Variants in PCDH7 observed in about 807,000 individuals in gnomAD.
PCDH7 encodes the protein protocadherin-7.
PCDH7 carries 17 observed loss-of-function variants against 58.9 expected under a neutral mutation model. The observed-to-expected ratio is 0.29, with a 90% confidence interval of 0.20 to 0.43. The LOEUF (loss-of-function observed/expected upper bound fraction) is 0.43. Among genes scored for constraint, PCDH7 ranks in the 20% least tolerant of loss-of-function variants. The pLI, the probability that PCDH7 is intolerant of heterozygous loss-of-function variation, is 1.00. For synonymous variants in PCDH7, 664 were observed against 616.4 expected, an observed-to-expected ratio of 1.08 and a Z score of -1.14; for missense variants, 1,274 against 1,441.0, an observed-to-expected ratio of 0.88 and a Z score of 1.88.
At chr4:30,847,029 G>T (rs1732057559) in intron 1 of PCDH7, among the ~76,000 whole-genome samples, 1 of 151,948 alleles carries the variant, frequency 6.6e-6, no homozygotes. Context: ...AGGCTGAGGT[G>T]GGAGGAGCAC....
At chr4:30,971,636 A>C (rs185257933) in intron 3 of PCDH7, among the ~76,000 whole-genome samples, 1 of 152,350 alleles carries the variant, frequency 6.6e-6, no homozygotes, top group Non-Finnish European at 1.5e-5. Context: ...GTTTTAGAAC[A>C]CTTTGACAAG....
chr4:31,018,597 A>G (rs1406692739), intron 3 of PCDH7, among the ~76,000 whole-genome samples: 2 of 152,208 alleles, frequency 1.3e-5, no homozygotes, highest in Non-Finnish European at 2.9e-5. Flanking sequence ...AAGATTTGAC[A>G]TAAAGTTTCT....
At chr4:30,929,023 T>G (rs1475694541) in intron 2 of PCDH7, among the ~76,000 whole-genome samples, 3 of 152,174 alleles carry the variant, frequency 2.0e-5, no homozygotes, top group Non-Finnish European at 4.4e-5. Flanking sequence ...ATTTTGTGTC[T>G]TTCTTTTCTC....
intron 3 of PCDH7, among the ~76,000 whole-genome samples, chr4:30,991,282 A>G (rs1227984470): frequency 6.6e-6 from 1 of 152,216 alleles, no homozygotes; most frequent in African/African-American, 2.4e-5. Context: ...TCGTTTTGCC[A>G]GCCATCATTT....
Position 30,986,113 on chromosome 4 carries a change from A to G in PCDH7, c.*7+35898A>G, listed in dbSNP as rs574997931. ...AAAAGACTTGAGATATGCATTTTCA[A>G]TTCTTTCTAAAACCAAGAAAAATTA... On this transcript the variant is annotated intron_variant, in intron 3 of 3. Transcript: ENST00000509759. Among the ~76,000 whole-genome samples the G allele has an allele frequency of 3.9e-5, 6 of 152,308 alleles. No homozygotes were observed. The East Asian group carries it at 1.2e-3, about 29-fold the overall frequency.
At chr4:31,104,951 T>G (rs148021470) in intron 3 of PCDH7, among the ~76,000 whole-genome samples, 3 of 152,210 alleles carry the variant, frequency 2.0e-5, no homozygotes, top group Non-Finnish European at 4.4e-5. Context: ...CTATTTAATA[T>G]GAAAGCACCA....
chr4:30,947,227 A>G (rs1455482410), intron 2 of PCDH7, among the ~76,000 whole-genome samples: 2 of 152,166 alleles, frequency 1.3e-5, no homozygotes, highest in Admixed American at 1.3e-4. Flanking sequence ...GGTCAGACCA[A>G]TAGTGTTTTC....
In PCDH7 at chr4:30,721,593, C is replaced by A; in HGVS notation, c.171C>A (p.Ile57=). 2 of 1,610,696 alleles carry A rather than the reference C, an allele frequency of 1.2e-6. No homozygotes were observed. The highest frequency in any genetic ancestry group is 1.7e-6 in the Non-Finnish European group (2 of 1,179,870). Reference sequence around the variant, plus strand: ...GCAACGTGGCTTCAGACCTGGGCATCGTGACCGGATCGGGTGAGGTGACTT... The same window carrying A: ...GCAACGTGGCTTCAGACCTGGGCATAGTGACCGGATCGGGTGAGGTGACTT... The change falls in exon 1 of 2, where the codon ATC becomes ATA. Residue 57 remains isoleucine, a synonymous_variant. Coordinates refer to ENST00000361762, the Ensembl canonical transcript of PCDH7. The surrounding 1 kb of genome is among the most constrained non-coding windows in gnomAD (Gnocchi z 6.7).
At chr4:31,129,714 C>A (rs976030753) in intron 3 of PCDH7, among the ~76,000 whole-genome samples, 20 of 152,182 alleles carry the variant, frequency 1.3e-4, no homozygotes, top group Admixed American at 9.2e-4. Flanking sequence ...CTCACTGCAA[C>A]CTCCACATCC....
At chr4:30,882,894 C>G (rs2109372876) in intron 1 of PCDH7, among the ~76,000 whole-genome samples, 1 of 152,322 alleles carries the variant, frequency 6.6e-6, no homozygotes, top group South Asian at 2.1e-4. Flanking sequence ...ACTCCATTTT[C>G]AAGCTCTTCA....
At chr4:31,109,834 A>C (rs142857235) in intron 3 of PCDH7, among the ~76,000 whole-genome samples, 1 of 152,330 alleles carries the variant, frequency 6.6e-6, no homozygotes, top group East Asian at 1.9e-4. Context: ...TGATGCTGAT[A>C]ATCTAAGCAA....
chr4:30,931,323 C>T (rs1744554972), intron 2 of PCDH7, among the ~76,000 whole-genome samples: 2 of 152,122 alleles, frequency 1.3e-5, no homozygotes, highest in African/African-American at 4.8e-5. Flanking sequence ...CACCTGTAAT[C>T]CCAGCACTTT....
chr4:31,086,758 A>T (rs1351904629), intron 3 of PCDH7, among the ~76,000 whole-genome samples: 4 of 152,192 alleles, frequency 2.6e-5, no homozygotes, highest in African/African-American at 9.6e-5. Context: ...TGGCATATTA[A>T]CAGCTTATGC....
chr4:31,007,819 C>T (rs1262175410), intron 3 of PCDH7, among the ~76,000 whole-genome samples: 2 of 151,948 alleles, frequency 1.3e-5, no homozygotes, highest in African/African-American at 2.4e-5. Context: ...TAGTATATGA[C>T]CTCAGGATTC....
chr4:30,818,558 T>C (rs1466537167), intron 1 of PCDH7, among the ~76,000 whole-genome samples: 1 of 152,132 alleles, frequency 6.6e-6, no homozygotes, highest in Non-Finnish European at 1.5e-5. Flanking sequence ...CATAATTAAT[T>C]CTCTATATAT....
chr4:30,811,051 C>G lies in PCDH7; in HGVS notation c.70+86455C>G, dbSNP rs151190419. 2.7e-3 allele frequency among the ~76,000 whole-genome samples: 410 copies of G among 152,306 alleles called. 1 individual carries two copies. Among genetic ancestry groups the G allele is most frequent in the African/African-American group, 9.5e-3 (393 of 41,564 alleles). Reference sequence around the variant, plus strand: ...ATAAAAGCTAATTGTGACTATGCATCATGGTTTACCATGACGGATTATTGC... The same window carrying G: ...ATAAAAGCTAATTGTGACTATGCATGATGGTTTACCATGACGGATTATTGC... On this transcript the variant is annotated intron_variant, in intron 1 of 3. Coordinates refer to the PCDH7 transcript ENST00000509759.
intron 3 of PCDH7, among the ~76,000 whole-genome samples, chr4:31,101,431 G>A (rs984768882): frequency 9.2e-5 from 14 of 152,124 alleles, no homozygotes; most frequent in Admixed American, 2.0e-4. Flanking sequence ...ATATTTTAGT[G>A]AGACAATTTG....
intron 3 of PCDH7, among the ~76,000 whole-genome samples, chr4:31,011,994 A>G (rs542639569): frequency 2.0e-5 from 3 of 152,252 alleles, no homozygotes; most frequent in African/African-American, 7.2e-5. Context: ...AAAAAATTAC[A>G]TACCCTATAT....
At chr4:31,090,335 G>A (rs1237054751) in intron 3 of PCDH7, among the ~76,000 whole-genome samples, 2 of 152,058 alleles carry the variant, frequency 1.3e-5, no homozygotes, top group South Asian at 2.1e-4. Context: ...GAGATATTTT[G>A]ATACAGGCAT....
Sources: gnomAD v4.1 joint callset for allele counts (sites outside exome capture counted in the v4.1 genomes callset) on GRCh38, gnomAD v4.1.1 for gene constraint, Gnocchi (gnomAD v3.1) non-coding constraint, MANE v1.5 for transcripts, NCBI Gene and HGNC (gene_info 2026-07-23, HGNC 2026-07-21) for gene names.